CCSER1: variants seen among roughly 807,000 people sequenced by gnomAD.
CCSER1 encodes coiled-coil serine rich protein 1.
Under a neutral mutation model 82.0 loss-of-function variants are expected in CCSER1, and 41 were observed. The ratio of observed to expected loss-of-function variants is 0.50; its 90% CI spans 0.39 to 0.65. The LOEUF (loss-of-function observed/expected upper bound fraction) is 0.65. Ranked by LOEUF, CCSER1 falls within the 30% of genes least tolerant of loss-of-function variation. The pLI, the probability that CCSER1 is intolerant of heterozygous loss-of-function variation, is 0.00. For synonymous variants in CCSER1, 414 were observed against 383.9 expected (o/e 1.08, Z -0.92); for missense variants, 1,119 against 1,064.2 (o/e 1.05, Z -0.72).
chr4:90,520,619 C>T (rs1476915064), intron 5 of CCSER1, among the ~76,000 whole-genome samples: 4 of 152,202 alleles, frequency 2.6e-5, no homozygotes, highest in East Asian at 1.9e-4. Context: ...AGATATTCAT[C>T]AGCATTATTT....
chr4:90,996,821 T>C (rs536752183), intron 9 of CCSER1, among the ~76,000 whole-genome samples: 2 of 152,164 alleles, frequency 1.3e-5, no homozygotes, highest in Non-Finnish European at 2.9e-5. Context: ...ATAATCTAAG[T>C]TGATTGTATA....
chr4:91,442,919 T>G (rs1211113808), intron 10 of CCSER1, among the ~76,000 whole-genome samples: 1 of 152,176 alleles, frequency 6.6e-6, no homozygotes, highest in African/African-American at 2.4e-5. Flanking sequence ...AAAACCGCAG[T>G]GAGATACCAT....
intron 10 of CCSER1, among the ~76,000 whole-genome samples, chr4:91,301,744 C>G (rs1744683970): frequency 6.6e-6 from 1 of 151,646 alleles, no homozygotes; most frequent in African/African-American, 2.4e-5. Flanking sequence ...AACAAAGCAC[C>G]AAGGTTTAGA....
intron 7 of CCSER1, among the ~76,000 whole-genome samples, chr4:90,732,583 G>A (rs1462412698): frequency 6.6e-6 from 1 of 151,926 alleles, no homozygotes; most frequent in African/African-American, 2.4e-5. Context: ...AACTACTTAG[G>A]GACAGTGAGC....
Position 91,598,975 on chromosome 4 carries a change from A to G in CCSER1, c.2621A>G (p.His874Arg). 1 of 1,551,534 alleles carries G rather than the reference A, an allele frequency of 6.4e-7. No homozygotes were observed. Among genetic ancestry groups the G allele is most frequent in the African/African-American group, 1.4e-5 (1 of 73,150 alleles). Residue 874 changes from histidine (H) to arginine (R), a missense_variant, in exon 11 of 11, where the codon CAC becomes CGC. His to Arg is a conservative substitution (Grantham distance 29). Coordinates refer to ENST00000509176, the MANE Select transcript of CCSER1 (RefSeq NM_001145065.2). Reference sequence around the variant, plus strand: ...CCACCCAGAGGGCCAATCTCTTTACACATGTACAGCAGGAAGAATGTGTTT... The same window carrying G: ...CCACCCAGAGGGCCAATCTCTTTACGCATGTACAGCAGGAAGAATGTGTTT... ...GQPPRGPISL[H>R]MYSRKNVFLH...
At chr4:90,134,825 A>G (rs952746417) in intron 1 of CCSER1, among the ~76,000 whole-genome samples, 2 of 152,196 alleles carry the variant, frequency 1.3e-5, no homozygotes, top group Non-Finnish European at 2.9e-5. Context: ...GTGTTCACAT[A>G]TTTGTAGCAA....
intron 5 of CCSER1, among the ~76,000 whole-genome samples, chr4:90,544,239 G>T (rs572912519): frequency 5.7e-4 from 87 of 152,146 alleles, no homozygotes; most frequent in African/African-American, 1.8e-3. Context: ...CAGTCCAGAG[G>T]ATCATCCTCA....
rs546916579 is a variant in CCSER1, at chr4:91,043,683, C to T, written c.2173-42267C>T. Among the ~76,000 whole-genome samples, 5 of 149,546 alleles carry T rather than the reference C, an allele frequency of 3.3e-5. No individual in the cohort carries two copies. The South Asian group carries it at 8.5e-4, about 25-fold the overall frequency. On this transcript the variant is annotated intron_variant, in intron 9 of 10. Transcript: ENST00000509176. ...TCAGCTCACTGCAACCTCCACTTCC[C>T]GGGTTCATGCGATTCTCCTGCCTCA...
intron 10 of CCSER1, among the ~76,000 whole-genome samples, chr4:91,317,108 A>C (rs1442617073): frequency 6.6e-6 from 1 of 152,044 alleles, no homozygotes; most frequent in East Asian, 1.9e-4. Context: ...TGATTTAATC[A>C]TTCCACAATT....
At position 91,526,279 on chromosome 4, in the gene CCSER1, C is replaced by T. The variant is rs181553608; in HGVS notation, c.2218-72293C>T. On this transcript the variant is annotated intron_variant, in intron 10 of 10. Coordinates refer to ENST00000509176, the MANE Select transcript of CCSER1 (RefSeq NM_001145065.2). ...TGTGGATTCCAGATCTTTGGATAAA[C>T]TCAACCAATTGTCAACCAGAAAATA... 1.9e-3 allele frequency among the ~76,000 whole-genome samples: 292 copies of T among 152,276 alleles called. 1 individual carries two copies. The highest frequency in any genetic ancestry group is 6.6e-3 in the African/African-American group (273 of 41,566).
chr4:91,001,799 A>G (rs945455388), intron 9 of CCSER1, among the ~76,000 whole-genome samples: 1 of 152,044 alleles, frequency 6.6e-6, no homozygotes, highest in Non-Finnish European at 1.5e-5. Flanking sequence ...TCATCATGCT[A>G]TTTGTTGCCT....
intron 10 of CCSER1, among the ~76,000 whole-genome samples, chr4:91,367,738 G>A (rs1350771188): frequency 6.6e-6 from 1 of 151,932 alleles, no homozygotes; most frequent in Non-Finnish European, 1.5e-5. Flanking sequence ...CTCATCTTCT[G>A]GTTCTTGGCT....
At chr4:90,969,537 A>G (rs1348346084) in intron 9 of CCSER1, among the ~76,000 whole-genome samples, 1 of 151,800 alleles carries the variant, frequency 6.6e-6, no homozygotes, top group African/African-American at 2.4e-5. Context: ...CAACCAAGAT[A>G]CTACACCCAC....
chr4:91,310,467 T>C (rs1745391547), intron 10 of CCSER1, among the ~76,000 whole-genome samples: 1 of 151,418 alleles, frequency 6.6e-6, no homozygotes, highest in African/African-American at 2.4e-5. Context: ...ACATTCAAAA[T>C]TGTCTTTGTC....
intron 1 of CCSER1, among the ~76,000 whole-genome samples, chr4:90,287,129 C>T (rs1223162548): frequency 4.0e-5 from 6 of 151,652 alleles, no homozygotes; most frequent in African/African-American, 1.5e-4. Context: ...TTTGCTACTG[C>T]TCCTAAAAGA....
intron 3 of CCSER1, among the ~76,000 whole-genome samples, chr4:90,392,982 G>A (rs906910185): frequency 3.3e-5 from 5 of 152,148 alleles, no homozygotes; most frequent in African/African-American, 1.2e-4. Flanking sequence ...AAAAATATAT[G>A]CACTACTGGT....
chr4:90,734,263 C>G (rs1445326796), intron 7 of CCSER1, among the ~76,000 whole-genome samples: 1 of 151,884 alleles, frequency 6.6e-6, no homozygotes, highest in East Asian at 1.9e-4. Context: ...GTAGCTGGGA[C>G]TACAGGCTCC....
chr4:90,942,798 A>G (rs894235341), intron 9 of CCSER1, among the ~76,000 whole-genome samples: 7 of 151,146 alleles, frequency 4.6e-5, no homozygotes, highest in Non-Finnish European at 7.4e-5. Flanking sequence ...CAGCAGGGGT[A>G]AAAAGATTGC....
intron 5 of CCSER1, among the ~76,000 whole-genome samples, chr4:90,565,531 T>C (rs1017545458): frequency 6.6e-6 from 1 of 152,240 alleles, no homozygotes; most frequent in Non-Finnish European, 1.5e-5. Context: ...TTGATCTGGC[T>C]AGAGTTTCCA....
Sources: gnomAD v4.1 joint callset for allele counts (sites outside exome capture counted in the v4.1 genomes callset) on GRCh38, gnomAD v4.1.1 for gene constraint, MANE v1.5 for transcripts, NCBI Gene and HGNC (gene_info 2026-07-23, HGNC 2026-07-21) for gene names.